RILPL1: variants seen among roughly 807,000 people sequenced by gnomAD.
The protein encoded by RILPL1 is RILP-like protein 1.
In RILPL1, 33 loss-of-function variants were observed where a neutral mutation model predicts 50.3. That is an observed-to-expected ratio of 0.66 (90% CI 0.50 to 0.88). The LOEUF is 0.88. Among genes scored for constraint, RILPL1 ranks in the 40% least tolerant of loss-of-function variants. The pLI is 0.00. For synonymous variants in RILPL1, 205 were observed against 228.6 expected, an observed-to-expected ratio of 0.90 and a Z score of 0.93; for missense variants, 418 against 542.5, an observed-to-expected ratio of 0.77 and a Z score of 2.28.
rs982781274 is a variant in RILPL1 at position 123,522,716 on chromosome 12, T to C, written c.460+779A>G. Among the ~76,000 whole-genome samples, 2 of 152,034 alleles carry C rather than the reference T, an allele frequency of 1.3e-5. No homozygotes were observed. Among genetic ancestry groups the C allele is most frequent in the Admixed American group, 1.3e-4 (2 of 15,246 alleles). On this transcript the variant is annotated intron_variant, in intron 2 of 6. Coordinates refer to ENST00000376874, the MANE Select transcript of RILPL1 (RefSeq NM_178314.5). The surrounding 1 kb of genome is among the most constrained non-coding windows in gnomAD (Gnocchi z 4.0). The stretch of plus-strand genomic sequence containing the variant: ...TCAAGTGATCCTCCCGCCTCAGCCT[T>C]CAAGTAGCTCAGACTACAGGTGTGC...
intron 2 of RILPL1, among the ~76,000 whole-genome samples, chr12:123,521,474 G>C (rs1006812254): frequency 1.3e-5 from 2 of 148,538 alleles, no homozygotes; most frequent in African/African-American, 5.0e-5. Flanking sequence ...CTTTTTCCTT[G>C]GTTCCCACAG....
chr12:123,484,208 G>C lies in RILPL1; in HGVS notation c.1039C>G (p.Pro347Ala). Reference protein sequence around the residue: ...PPPIAHPRTSPQPESGIKRLF... With the variant: ...PPPIAHPRTSAQPESGIKRLF... ...CGCTTGATGCCCGACTCCGGCTGGG[G>C]GGACGTCCTCGGGTGGGCGATGGGT... The change falls in exon 6 of 7, where the codon CCC (proline) becomes GCC (alanine). Residue 347 changes from proline (P) to alanine (A), a missense_variant. Physicochemically the swap from Pro to Ala is conservative, Grantham distance 27. Coordinates refer to ENST00000376874, the MANE Select transcript of RILPL1 (RefSeq NM_178314.5). 6.2e-7 allele frequency: 1 copy of C among 1,611,132 alleles called. No individual in the cohort carries two copies.
chr12:123,475,793 G>A (rs766281026), intron 6 of RILPL1: 1 of 1,311,794 alleles, frequency 7.6e-7, no homozygotes, highest in African/African-American at 1.5e-5. Flanking sequence ...GATAAAAACG[G>A]GAGGCATGAA....
rs1250551133 is a variant in RILPL1, at chr12:123,485,662, C to T, written c.945G>A (p.Leu315=). Residue 315 remains leucine (L), a synonymous_variant, in exon 5 of 7, where the codon TTG becomes TTA. Coordinates refer to ENST00000376874, the MANE Select transcript of RILPL1 (RefSeq NM_178314.5). This position sits in a 1 kb window ranked among gnomAD's most constrained non-coding sequence, Gnocchi z 4.0. ...TATAGTAAGCCAGCTCCTCCTGCAG[C>T]AAGAACACCTTGGACTTGAGCTCGT... ...ERNELKSKVF[L]LQEELAYYKS... is the part of the protein sequence containing the mutation. 5 of 1,613,816 alleles carry T rather than the reference C, an allele frequency of 3.1e-6. No homozygotes were observed. The highest frequency in any genetic ancestry group is 4.2e-6 in the Non-Finnish European group (5 of 1,179,812).
At chr12:123,514,725 C>T (rs1329646085) in intron 2 of RILPL1, among the ~76,000 whole-genome samples, 3 of 151,908 alleles carry the variant, frequency 2.0e-5, no homozygotes, top group African/African-American at 7.3e-5. Flanking sequence ...CGCCCCCAGC[C>T]CATTATGAAT....
chr12:123,503,689 A>G (rs1046063126), intron 2 of RILPL1, among the ~76,000 whole-genome samples: 4 of 152,034 alleles, frequency 2.6e-5, no homozygotes, highest in African/African-American at 9.7e-5. Context: ...TCACCCAAGT[A>G]AGCCAGGATA....
chr12:123,521,092 A>G (rs1325532911), intron 2 of RILPL1, among the ~76,000 whole-genome samples: 1 of 152,198 alleles, frequency 6.6e-6, no homozygotes, highest in African/African-American at 2.4e-5. Context: ...TCATCTGTTC[A>G]ATCAGTAGGT....
intron 2 of RILPL1, among the ~76,000 whole-genome samples, chr12:123,501,185 C>A (rs994150397): frequency 6.6e-6 from 1 of 151,668 alleles, no homozygotes; most frequent in Non-Finnish European, 1.5e-5. Flanking sequence ...CACCTGTAAT[C>A]CCAGTGCTTT....
At chr12:123,510,843 CTGTG>C (rs753072646) in intron 2 of RILPL1, among the ~76,000 whole-genome samples, 63 of 101,738 alleles carry the variant, frequency 6.2e-4, no homozygotes, top group Non-Finnish European at 8.7e-4. Context: ...TGTGTGAGGT[CTGTG>C]TGTGTGTGGT....
rs1566146938 is a variant in RILPL1, at chr12:123,525,717, A to AAAG, written c.310-2073_310-2072insCTT. On this transcript the variant is annotated intron_variant, in intron 1 of 6. Transcript: ENST00000376874. ...CACTGTCTCAAAAAAAAAAAAAAAA[A>AAAG]AAAAAAAGAAACAAATGGGGTATTG... is the stretch of plus-strand genomic sequence containing the variant. 1.3e-4 allele frequency among the ~76,000 whole-genome samples: 17 copies of AAAG among 133,414 alleles called. 2 individuals carry two copies. Among genetic ancestry groups the AAAG allele is most frequent in the Admixed American group, 1.6e-4 (2 of 12,370 alleles). 87.5% of individuals were successfully genotyped at this position (133,414 alleles called of 152,430 possible). A position where few individuals can be genotyped will look rare whatever the true frequency, so the allele number is the denominator to read the frequency against.
intron 1 of RILPL1, among the ~76,000 whole-genome samples, chr12:123,529,811 C>T (rs984299409): frequency 8.8e-5 from 13 of 147,654 alleles, no homozygotes; most frequent in African/African-American, 3.0e-4. Flanking sequence ...GTGTTCAGGG[C>T]TGCAGGGAGC....
rs547145480 is a variant in RILPL1 at position 123,522,764 on chromosome 12, T to A, written c.460+731A>T. Among the ~76,000 whole-genome samples the A allele has an allele frequency of 6.6e-6, 1 of 152,126 alleles. No homozygotes were observed. Among genetic ancestry groups the A allele is most frequent in the South Asian group, 2.1e-4 (1 of 4,818 alleles). On this transcript the variant is annotated intron_variant, in intron 2 of 6. Transcript: ENST00000376874. The surrounding 1 kb of genome is among the most constrained non-coding windows in gnomAD (Gnocchi z 4.0). ...TGCACCACTGCACCTGGCTTATTTTTAAAAAAATCGTTAGTAGAGACGGGG... is the reference window on the plus strand; with the variant it reads ...TGCACCACTGCACCTGGCTTATTTTAAAAAAAATCGTTAGTAGAGACGGGG...
At chr12:123,481,358 C>CA (rs1250502610) in intron 6 of RILPL1, among the ~76,000 whole-genome samples, 3,303 of 106,864 alleles carry the variant, frequency 0.031, 74 homozygotes, top group Middle Eastern at 0.05. Context: ...GACTCCCTCT[C>CA]AAAAAAAAAA....
chr12:123,525,349 TG>T (rs1437539056), intron 1 of RILPL1, among the ~76,000 whole-genome samples: 1 of 149,634 alleles, frequency 6.7e-6, no homozygotes, highest in Non-Finnish European at 1.5e-5. Flanking sequence ...TCCCAGTAGC[TG>T]GGACTACAGG....
chr12:123,475,997 G>A (rs528303471), intron 6 of RILPL1: 12 of 408,936 alleles, frequency 2.9e-5, no homozygotes, highest in Middle Eastern at 7.8e-4. Context: ...TCCTCCTCCC[G>A]GGTTCAAGCG....
chr12:123,493,173 G>A (rs1251791453), intron 4 of RILPL1, among the ~76,000 whole-genome samples: 1 of 152,332 alleles, frequency 6.6e-6, no homozygotes, highest in Non-Finnish European at 1.5e-5. Context: ...ACTGAGATAG[G>A]GAAAAACCGC....
chr12:123,506,916 C>T (rs1883785606), intron 2 of RILPL1, among the ~76,000 whole-genome samples: 1 of 152,148 alleles, frequency 6.6e-6, no homozygotes, highest in Non-Finnish European at 1.5e-5. Context: ...TCCTGCTCAG[C>T]TCTGAGGCAG....
chr12:123,482,468 T>C (rs1383098409), intron 6 of RILPL1, among the ~76,000 whole-genome samples: 5 of 151,960 alleles, frequency 3.3e-5, no homozygotes, highest in Non-Finnish European at 7.4e-5. Context: ...AGAGACAGAG[T>C]CTCACTACGT....
At chr12:123,528,358 C>CAAA (rs35456386) in intron 1 of RILPL1, among the ~76,000 whole-genome samples, 220 of 130,280 alleles carry the variant, frequency 1.7e-3, no homozygotes, top group Middle Eastern at 4.1e-3. Context: ...GATGCTGTCT[C>CAAA]AAAAAAAAAA....
Sources: gnomAD v4.1 joint callset for allele counts (sites outside exome capture counted in the v4.1 genomes callset) on GRCh38, gnomAD v4.1.1 for gene constraint, Gnocchi (gnomAD v3.1) non-coding constraint, MANE v1.5 for transcripts, NCBI Gene and HGNC (gene_info 2026-07-23, HGNC 2026-07-21) for gene names.